SMAD1: variants seen among roughly 807,000 people sequenced by gnomAD.
SMAD1 encodes the protein MAD, mothers against decapentaplegic homolog 1.
In SMAD1, 6 loss-of-function variants were observed where a neutral mutation model predicts 41.6. The ratio of observed to expected loss-of-function variants is 0.14; its 90% CI spans 0.08 to 0.28. The LOEUF is 0.28. Among genes scored for constraint, SMAD1 ranks in the 10% least tolerant of loss-of-function variants. The pLI is 1.00. For synonymous variants in SMAD1, 206 were observed against 203.2 expected (o/e 1.01, Z -0.12); for missense variants, 379 against 582.6 (o/e 0.65, Z 3.60).
intron 5 of SMAD1, among the ~76,000 whole-genome samples, chr4:145,548,089 G>A (rs868788483): frequency 7.9e-5 from 12 of 152,116 alleles, no homozygotes; most frequent in African/African-American, 2.9e-4. Flanking sequence ...AAGTAAAGAA[G>A]TGCTTATGGA....
Position 145,520,727 on chromosome 4 carries a change from T to C in SMAD1, c.400+5714T>C, listed in dbSNP as rs150843065. Among the ~76,000 whole-genome samples the C allele has an allele frequency of 3.3e-5, 5 of 152,352 alleles. No individual in the cohort carries two copies. The East Asian group carries it at 9.6e-4, about 29-fold the overall frequency. On this transcript the variant is annotated intron_variant, in intron 2 of 6. Transcript: ENST00000302085. ...GAAGTCTATGCTTTTGTTATTCGGCTCAGTGCAAGTTTTGGAATTGTTCTT... is the reference window on the plus strand; with the variant it reads ...GAAGTCTATGCTTTTGTTATTCGGCCCAGTGCAAGTTTTGGAATTGTTCTT...
At chr4:145,504,878 A>G (rs1180452881) in intron 1 of SMAD1, among the ~76,000 whole-genome samples, 1 of 152,232 alleles carries the variant, frequency 6.6e-6, no homozygotes, top group Non-Finnish European at 1.5e-5. Flanking sequence ...GGCTTGAAAG[A>G]TGCAAGCAAT....
intron 2 of SMAD1, among the ~76,000 whole-genome samples, chr4:145,522,435 C>G (rs1730793633): frequency 6.6e-6 from 1 of 151,966 alleles, no homozygotes; most frequent in African/African-American, 2.4e-5. Context: ...AACCCCATCT[C>G]TACTAAAAAT....
intron 6 of SMAD1, among the ~76,000 whole-genome samples, chr4:145,556,912 A>T (rs1406555079): frequency 6.6e-6 from 1 of 152,154 alleles, no homozygotes; most frequent in Non-Finnish European, 1.5e-5. Context: ...TCCCGACCTC[A>T]GGTGATCTGT....
intron 1 of SMAD1, among the ~76,000 whole-genome samples, chr4:145,508,860 G>T (rs1261258576): frequency 1.3e-5 from 2 of 152,042 alleles, no homozygotes; most frequent in African/African-American, 2.4e-5. Flanking sequence ...GATCTCTCTG[G>T]GATCTCTTTT....
intron 1 of SMAD1, among the ~76,000 whole-genome samples, chr4:145,485,466 G>T (rs1166958500): frequency 6.6e-6 from 1 of 152,182 alleles, no homozygotes; most frequent in Non-Finnish European, 1.5e-5. Flanking sequence ...GCTGCTTGTG[G>T]TTAGTGGCTG....
chr4:145,498,937 C>G (rs931479523), intron 1 of SMAD1, among the ~76,000 whole-genome samples: 1 of 152,176 alleles, frequency 6.6e-6, no homozygotes, highest in Admixed American at 6.5e-5. Context: ...TCTGAGGGAG[C>G]TGTTTCCCCT....
intron 2 of SMAD1, among the ~76,000 whole-genome samples, chr4:145,535,430 G>T (rs1404107063): frequency 6.6e-6 from 1 of 152,134 alleles, no homozygotes; most frequent in African/African-American, 2.4e-5. Context: ...TGAAATACCT[G>T]AATGGCCAGA....
chr4:145,524,159 G>A (rs538323701), intron 2 of SMAD1, among the ~76,000 whole-genome samples: 1 of 152,188 alleles, frequency 6.6e-6, no homozygotes, highest in South Asian at 2.1e-4. Flanking sequence ...ACGCTTTCCA[G>A]GATTTTATCA....
At chr4:145,532,132 G>A (rs886410917) in intron 2 of SMAD1, among the ~76,000 whole-genome samples, 2 of 152,138 alleles carry the variant, frequency 1.3e-5, no homozygotes, top group Non-Finnish European at 2.9e-5. Context: ...CCTTAGCAAC[G>A]CTGAAAAGCT....
At chr4:145,511,647 A>G (rs368257667) in intron 1 of SMAD1, among the ~76,000 whole-genome samples, 13 of 152,320 alleles carry the variant, frequency 8.5e-5, no homozygotes, top group African/African-American at 3.1e-4. Context: ...TATGACATGA[A>G]TTCATAACTT....
chr4:145,489,781 C>T (rs923078463), intron 1 of SMAD1, among the ~76,000 whole-genome samples: 18 of 152,174 alleles, frequency 1.2e-4, no homozygotes, highest in Non-Finnish European at 1.3e-4. Context: ...CAGTCATCTG[C>T]TGGGTATTCT....
chr4:145,511,823 T>G (rs1271742662), intron 1 of SMAD1, among the ~76,000 whole-genome samples: 1 of 152,226 alleles, frequency 6.6e-6, no homozygotes, highest in Non-Finnish European at 1.5e-5. Flanking sequence ...CAGTATTCAT[T>G]TAAACTTACC....
chr4:145,511,924 A>C (rs1195092255), intron 1 of SMAD1, among the ~76,000 whole-genome samples: 1 of 152,114 alleles, frequency 6.6e-6, no homozygotes, highest in Non-Finnish European at 1.5e-5. Flanking sequence ...AATTCCTGTT[A>C]GTATTTCTTT....
intron 5 of SMAD1, among the ~76,000 whole-genome samples, chr4:145,547,843 A>T (rs1375081952): frequency 2.0e-5 from 3 of 152,200 alleles, no homozygotes; most frequent in African/African-American, 7.2e-5. Flanking sequence ...TGTATTACGT[A>T]TGTGTGTATG....
chr4:145,527,010 A>G (rs1423618412), intron 2 of SMAD1, among the ~76,000 whole-genome samples: 1 of 152,182 alleles, frequency 6.6e-6, no homozygotes, highest in African/African-American at 2.4e-5. Flanking sequence ...TCTTGAAACA[A>G]TATGACTGAA....
chr4:145,538,614 C>A (rs1463863334), intron 2 of SMAD1, among the ~76,000 whole-genome samples: 1 of 152,134 alleles, frequency 6.6e-6, no homozygotes, highest in East Asian at 1.9e-4. Flanking sequence ...CTGGAAAGCC[C>A]TCAAAAGTCT....
chr4:145,502,159 C>A (rs1314760838), intron 1 of SMAD1, among the ~76,000 whole-genome samples: 2 of 152,180 alleles, frequency 1.3e-5, no homozygotes, highest in African/African-American at 4.8e-5. Flanking sequence ...GGTCTTCAAT[C>A]TTTCCTGTGT....
chr4:145,557,405 G>T (rs1233379628), intron 6 of SMAD1, among the ~76,000 whole-genome samples: 1 of 152,128 alleles, frequency 6.6e-6, no homozygotes, highest in East Asian at 1.9e-4. Context: ...GTCTAGCATA[G>T]CTTTTTTGTT....
Sources: gnomAD v4.1 joint callset for allele counts (sites outside exome capture counted in the v4.1 genomes callset) on GRCh38, gnomAD v4.1.1 for gene constraint, MANE v1.5 for transcripts, NCBI Gene and HGNC (gene_info 2026-07-23, HGNC 2026-07-21) for gene names.